SORCS2: variants seen among roughly 807,000 people sequenced by gnomAD.
The protein encoded by SORCS2 is VPS10 domain-containing receptor SorCS2.
In SORCS2, 100 loss-of-function variants were observed where a neutral mutation model predicts 141.6. The observed-to-expected ratio is 0.71, with a 90% CI of 0.60 to 0.83. The LOEUF (loss-of-function observed/expected upper bound fraction) is 0.83. Ranked by LOEUF, SORCS2 falls within the 40% of genes least tolerant of loss-of-function variation. SORCS2 has a pLI of 0.00. For synonymous variants in SORCS2, 789 were observed against 676.9 expected (o/e 1.17, Z -2.57); for missense variants, 1,646 against 1,560.2 (o/e 1.05, Z -0.93).
chr4:7,695,436 A>G (rs1353909969), intron 11 of SORCS2, among the ~76,000 whole-genome samples: 3 of 39,210 alleles, frequency 7.7e-5, no homozygotes, highest in African/African-American at 1.1e-4. Flanking sequence ...GGATGGATGG[A>G]TTGGTGGGTG....
chr4:7,427,840 ACCGCCCCC>A (rs80141648), intron 2 of SORCS2, among the ~76,000 whole-genome samples: 20,711 of 150,542 alleles, frequency 0.14, 1,591 homozygotes, highest in Non-Finnish European at 0.18. Context: ...ATCCCACACC[ACCGCCCCC>A]CCGCCCCCCC....
intron 1 of SORCS2, among the ~76,000 whole-genome samples, chr4:7,223,280 C>T (rs1728814323): frequency 7.3e-6 from 1 of 136,464 alleles, no homozygotes; most frequent in African/African-American, 2.9e-5. Flanking sequence ...AAGAAAAGGA[C>T]CTTAGTGTAT....
At chr4:7,459,560 A>G (rs1652051503) in intron 2 of SORCS2, among the ~76,000 whole-genome samples, 1 of 152,146 alleles carries the variant, frequency 6.6e-6, no homozygotes, top group African/African-American at 2.4e-5. Context: ...CATGATGATG[A>G]TGCCACGATG....
intron 1 of SORCS2, among the ~76,000 whole-genome samples, chr4:7,305,335 C>A (rs1228635873): frequency 1.7e-5 from 1 of 57,280 alleles, no homozygotes; most frequent in African/African-American, 3.3e-5. Flanking sequence ...ACGGCCCATT[C>A]TGGCTCTTGT....
intron 4 of SORCS2, among the ~76,000 whole-genome samples, chr4:7,639,667 ATGTG>A (rs879832470): frequency 5.0e-5 from 7 of 139,462 alleles, no homozygotes; most frequent in Admixed American, 1.4e-4. Context: ...GTGTGTGCAA[ATGTG>A]TGTGAGTGTG....
At chr4:7,450,014 G>A (rs1004645262) in intron 2 of SORCS2, among the ~76,000 whole-genome samples, 7 of 152,202 alleles carry the variant, frequency 4.6e-5, no homozygotes, top group South Asian at 2.1e-4. Context: ...CCTGGGACAC[G>A]TGGGGCTGGG....
intron 1 of SORCS2, among the ~76,000 whole-genome samples, chr4:7,346,939 G>T (rs1250464213): frequency 6.6e-6 from 1 of 152,130 alleles, no homozygotes; most frequent in African/African-American, 2.4e-5. Flanking sequence ...AGCCTATTTA[G>T]CTCTTTATGG....
intron 18 of SORCS2, among the ~76,000 whole-genome samples, chr4:7,719,276 C>G (rs923682281): frequency 6.6e-6 from 1 of 152,256 alleles, no homozygotes; most frequent in Non-Finnish European, 1.5e-5. Context: ...AACATGGAAA[C>G]TGAGGCCCAA....
At chr4:7,417,689 C>A (rs1049972551) in intron 2 of SORCS2, among the ~76,000 whole-genome samples, 4 of 152,224 alleles carry the variant, frequency 2.6e-5, no homozygotes, top group African/African-American at 7.2e-5. Flanking sequence ...TTCCCCTGAC[C>A]CTGCTGGGCC....
At chr4:7,643,214 C>A (rs1016451464) in intron 4 of SORCS2, among the ~76,000 whole-genome samples, 11 of 152,138 alleles carry the variant, frequency 7.2e-5, no homozygotes, top group Admixed American at 2.0e-4. Flanking sequence ...TCCTGGGTGA[C>A]AGCATAATAT....
intron 1 of SORCS2, among the ~76,000 whole-genome samples, chr4:7,354,532 A>G (rs1721134455): frequency 6.6e-6 from 1 of 152,242 alleles, no homozygotes; most frequent in African/African-American, 2.4e-5. Context: ...GCTACCGTGC[A>G]GCCCCGGCTA....
chr4:7,740,174 G>A (rs1712546127), intron 26 of SORCS2, 26 bp from the exon 27 acceptor site: 1 of 1,596,506 alleles, frequency 6.3e-7, no homozygotes. Flanking sequence ...TGTGCTCACG[G>A]GACCTGCGTC....
chr4:7,523,712 T>A (rs946159495), intron 2 of SORCS2, among the ~76,000 whole-genome samples: 1 of 152,134 alleles, frequency 6.6e-6, no homozygotes, highest in Non-Finnish European at 1.5e-5. Flanking sequence ...AGGCCGCTGT[T>A]ATGTGATTGG....
intron 2 of SORCS2, among the ~76,000 whole-genome samples, chr4:7,503,677 C>G (rs1050834968): frequency 5.3e-5 from 8 of 152,160 alleles, no homozygotes; most frequent in African/African-American, 1.7e-4. Context: ...GATGGAGACA[C>G]AGCTAGAAAC....
chr4:7,532,843 T>C (rs1484537047), intron 3 of SORCS2, among the ~76,000 whole-genome samples: 2 of 152,054 alleles, frequency 1.3e-5, no homozygotes, highest in Non-Finnish European at 2.9e-5. Context: ...TTTCTCTTCT[T>C]GATTTCTGCT....
chr4:7,241,340 T>C (rs1386890902), intron 1 of SORCS2, among the ~76,000 whole-genome samples: 1 of 152,178 alleles, frequency 6.6e-6, no homozygotes, highest in African/African-American at 2.4e-5. Flanking sequence ...TCTGTGTCCC[T>C]GGTTAGTGCT....
chr4:7,244,979 G>C (rs142087184), intron 1 of SORCS2, among the ~76,000 whole-genome samples: 1 of 152,192 alleles, frequency 6.6e-6, no homozygotes, highest in Non-Finnish European at 1.5e-5. Context: ...TGGCTGGAGG[G>C]GGGTGGAGTA....
intron 1 of SORCS2, among the ~76,000 whole-genome samples, chr4:7,262,056 T>C (rs1168570208): frequency 6.6e-6 from 1 of 152,190 alleles, no homozygotes; most frequent in Non-Finnish European, 1.5e-5. Flanking sequence ...GTGTGTGTGA[T>C]GAAATTAGCT....
intron 14 of SORCS2, among the ~76,000 whole-genome samples, chr4:7,712,011 G>A (rs1725852552): frequency 6.6e-6 from 1 of 152,104 alleles, no homozygotes; most frequent in African/African-American, 2.4e-5. Context: ...CCCAGCCCAT[G>A]GAGTCCAGTG....
Sources: gnomAD v4.1 joint callset for allele counts (sites outside exome capture counted in the v4.1 genomes callset) on GRCh38, gnomAD v4.1.1 for gene constraint, MANE v1.5 for transcripts, NCBI Gene and HGNC (gene_info 2026-07-23, HGNC 2026-07-21) for gene names.